Variants in LNX1 observed in about 807,000 individuals in gnomAD.
LNX1 encodes the protein ligand of numb-protein X 1.
In LNX1, 54 loss-of-function variants were observed where a neutral mutation model predicts 68.4. The observed-to-expected ratio is 0.79, with a 90% confidence interval of 0.63 to 0.99. The LOEUF (loss-of-function observed/expected upper bound fraction) is 0.99, where lower values mean the gene tolerates loss of function less well. Among genes scored for constraint, LNX1 ranks in the 50% least tolerant of loss-of-function variants. LNX1 has a pLI of 0.00. For missense variants in LNX1, 906 were observed against 926.4 expected (o/e 0.98, Z 0.29); for synonymous variants, 336 against 350.0 (o/e 0.96, Z 0.45).
chr4:53,649,538 A>T (rs796318218), intron 1 of LNX1, among the ~76,000 whole-genome samples: 8 of 152,304 alleles, frequency 5.3e-5, no homozygotes, highest in African/African-American at 1.9e-4. Context: ...CACAGCCTGC[A>T]CCTGTCTGGA....
chr4:53,507,174 T>C, intron 4 of LNX1, 143 bp downstream of exon 4: 5 of 792,326 alleles, frequency 6.3e-6, no homozygotes, highest in Non-Finnish European at 7.9e-6. Flanking sequence ...ACGTGAGAAG[T>C]AGGCTAATCA....
intron 4 of LNX1, among the ~76,000 whole-genome samples, chr4:53,505,833 G>A (rs1725833037): frequency 6.6e-6 from 1 of 152,186 alleles, no homozygotes; most frequent in Non-Finnish European, 1.5e-5. Context: ...AGGAGGCAAA[G>A]TCTTACACTA....
chr4:53,583,837 C>T (rs1233291057), intron 1 of LNX1, among the ~76,000 whole-genome samples: 3 of 152,130 alleles, frequency 2.0e-5, no homozygotes, highest in South Asian at 2.1e-4. Context: ...CCCTGGGGTG[C>T]CATACTTGGG....
intron 2 of LNX1, among the ~76,000 whole-genome samples, chr4:53,521,761 A>G (rs993539225): frequency 3.3e-5 from 5 of 152,118 alleles, no homozygotes; most frequent in African/African-American, 1.2e-4. Context: ...TATTTATTGG[A>G]TAACTGAAAG....
upstream of LNX1, among the ~76,000 whole-genome samples, chr4:53,594,522 C>T (rs1020786649): frequency 2.6e-5 from 4 of 152,062 alleles, no homozygotes; most frequent in Non-Finnish European, 5.9e-5. Flanking sequence ...TTGGCAAATC[C>T]TGGACATATA....
intron 1 of LNX1, among the ~76,000 whole-genome samples, chr4:53,628,354 A>G (rs981716389): frequency 6.6e-6 from 1 of 152,230 alleles, no homozygotes; most frequent in Non-Finnish European, 1.5e-5. Flanking sequence ...ATTTCTCAAA[A>G]AAAGTTATAC....
intron 1 of LNX1, chr4:53,576,484 C>T (rs1190519911): frequency 2.0e-5 from 25 of 1,279,110 alleles, no homozygotes; most frequent in Non-Finnish European, 2.5e-5. Context: ...CCCTGCCCTT[C>T]CCATGAGGCA....
chr4:53,510,077 A>G (rs1003377279), intron 2 of LNX1, among the ~76,000 whole-genome samples: 2 of 152,218 alleles, frequency 1.3e-5, no homozygotes, highest in Non-Finnish European at 2.9e-5. Context: ...CAAATGTTTT[A>G]TCTGCTTAGA....
At chr4:53,463,029 G>T (rs1722297891) in intron 9 of LNX1, among the ~76,000 whole-genome samples, 1 of 152,074 alleles carries the variant, frequency 6.6e-6, no homozygotes, top group Admixed American at 6.6e-5. Context: ...TTGGAGAAAG[G>T]TAAGAATTAG....
Position 53,609,598 on chromosome 4 carries a change from T to C in LNX1, c.-215+6919A>G, listed in dbSNP as rs1263932034. ...AATATATAGTATATATAATTATATA[T>C]TATATGTTATACTATATGTTATAAA... On this transcript the variant is annotated intron_variant, in intron 2 of 3. Transcript: ENST00000504299. 2.1e-5 allele frequency among the ~76,000 whole-genome samples: 3 copies of C among 146,266 alleles called. No homozygotes were observed. The Admixed American group carries it at 2.1e-4, about 10-fold the overall frequency.
chr4:53,523,660 G>C (rs755912897), intron 2 of LNX1, among the ~76,000 whole-genome samples: 16 of 152,198 alleles, frequency 1.1e-4, no homozygotes, highest in Non-Finnish European at 1.8e-4. Context: ...AGGAGACTAG[G>C]AGACTAGGGA....
intron 2 of LNX1, among the ~76,000 whole-genome samples, chr4:53,602,629 C>T (rs560029481): frequency 6.6e-6 from 1 of 152,262 alleles, no homozygotes; most frequent in Non-Finnish European, 1.5e-5. Context: ...CACGTGGTGA[C>T]TAAACTAATG....
intron 2 of LNX1, among the ~76,000 whole-genome samples, chr4:53,611,443 T>A (rs1404863520): frequency 1.3e-5 from 2 of 152,178 alleles, no homozygotes; most frequent in Admixed American, 6.5e-5. Context: ...CACAACAAAG[T>A]GGGTATTTCG....
At chr4:53,464,502 G>A (rs1201410724) in intron 9 of LNX1, among the ~76,000 whole-genome samples, 1 of 18,544 alleles carries the variant, frequency 5.4e-5, no homozygotes, top group Non-Finnish European at 1.3e-4. Context: ...ATGTTTATGG[G>A]AGATTAATAT....
At chr4:53,600,733 T>C (rs1732964407) in intron 2 of LNX1, among the ~76,000 whole-genome samples, 1 of 151,404 alleles carries the variant, frequency 6.6e-6, no homozygotes, top group African/African-American at 2.4e-5. Flanking sequence ...TTTTTATTTT[T>C]ATTTTTTCAA....
chr4:53,470,613 CCT>C (rs1435392263), intron 9 of LNX1, among the ~76,000 whole-genome samples: 3 of 152,180 alleles, frequency 2.0e-5, no homozygotes, highest in Admixed American at 6.5e-5. Flanking sequence ...CCCAAAATCT[CCT>C]TAAGCTGATA....
At chr4:53,536,237 C>T (rs572925475) in intron 2 of LNX1, among the ~76,000 whole-genome samples, 181 of 152,346 alleles carry the variant, frequency 1.2e-3, no homozygotes, top group African/African-American at 4.1e-3. Flanking sequence ...AGGTCAGTCT[C>T]TTAGTGGAAA....
chr4:53,570,803 G>A (rs1280392341), intron 2 of LNX1, among the ~76,000 whole-genome samples: 6 of 150,986 alleles, frequency 4.0e-5, no homozygotes, highest in Admixed American at 6.6e-5. Flanking sequence ...TGAGGCGGGC[G>A]GATCACGAGG....
chr4:53,609,388 G>A (rs1733376754), intron 2 of LNX1, among the ~76,000 whole-genome samples: 1 of 151,334 alleles, frequency 6.6e-6, no homozygotes, highest in African/African-American at 2.4e-5. Flanking sequence ...AGAACAATAT[G>A]TTTTAACCCA....
Sources: allele counts gnomAD v4.1 joint callset (sites outside exome capture counted in the v4.1 genomes callset), GRCh38; gene constraint gnomAD v4.1.1; transcripts MANE v1.5; gene names NCBI Gene and HGNC (gene_info 2026-07-23, HGNC 2026-07-21).